NKAIN2: variants seen among roughly 807,000 people sequenced by gnomAD.
The protein encoded by NKAIN2 is sodium/potassium-transporting ATPase subunit beta-1-interacting protein 2.
In NKAIN2, 14 loss-of-function variants were observed where a neutral mutation model predicts 32.6. The observed-to-expected ratio is 0.43, with a 90% confidence interval of 0.28 to 0.67. The LOEUF is 0.67. Among genes scored for constraint, NKAIN2 ranks in the 30% least tolerant of loss-of-function variants. The probability of loss-of-function intolerance (pLI) is 0.17; values close to 1 mark genes in which losing one functional copy is unlikely to be tolerated. For missense variants in NKAIN2, 198 were observed against 258.3 expected, an observed-to-expected ratio of 0.77 and a Z score of 1.60; for synonymous variants, 80 against 87.2, an observed-to-expected ratio of 0.92 and a Z score of 0.46.
chr6:124,799,503 A>G (rs1026327623), intron 5 of NKAIN2, among the ~76,000 whole-genome samples: 3 of 152,128 alleles, frequency 2.0e-5, no homozygotes, highest in Admixed American at 6.6e-5. Context: ...TCGTTAAATA[A>G]ATCTGATATT....
At chr6:124,086,741 A>T (rs1784206270) in intron 1 of NKAIN2, among the ~76,000 whole-genome samples, 1 of 151,962 alleles carries the variant, frequency 6.6e-6, no homozygotes, top group South Asian at 2.1e-4. Context: ...CAAAACTCAC[A>T]CAAGAAGAAA....
At chr6:124,121,826 A>AAATGT in intron 1 of NKAIN2, 1 of 612,902 alleles carries the variant, frequency 1.6e-6, no homozygotes. Context: ...GGTTGCCTTT[A>AAATGT]AATGGGTCAC....
intron 1 of NKAIN2, among the ~76,000 whole-genome samples, chr6:123,902,380 A>C (rs1052516158): frequency 1.3e-5 from 2 of 152,114 alleles, no homozygotes; most frequent in Non-Finnish European, 2.9e-5. Context: ...AGGCTAAAAA[A>C]AGTTTCATTT....
At chr6:124,601,080 C>T (rs1449847169) in intron 3 of NKAIN2, among the ~76,000 whole-genome samples, 2 of 151,990 alleles carry the variant, frequency 1.3e-5, no homozygotes, top group Admixed American at 1.3e-4. Context: ...ATATTGTACT[C>T]ATTTACACTA....
intron 3 of NKAIN2, among the ~76,000 whole-genome samples, chr6:124,643,988 A>G (rs1296339681): frequency 5.3e-5 from 8 of 152,184 alleles, no homozygotes; most frequent in Non-Finnish European, 1.0e-4. Context: ...AAATGTCATT[A>G]GTATCATTTT....
intron 3 of NKAIN2, among the ~76,000 whole-genome samples, chr6:124,603,427 A>T (rs1405404041): frequency 6.6e-6 from 1 of 151,958 alleles, no homozygotes; most frequent in African/African-American, 2.4e-5. Context: ...TTAGTTAACA[A>T]GTTTCAGTTC....
chr6:124,675,876 T>C (rs1196390760), intron 4 of NKAIN2, among the ~76,000 whole-genome samples: 1 of 150,136 alleles, frequency 6.7e-6, no homozygotes, highest in Non-Finnish European at 1.5e-5. Flanking sequence ...AAATTGGGCT[T>C]ATTTTTTCCT....
intron 3 of NKAIN2, among the ~76,000 whole-genome samples, chr6:124,484,292 T>C (rs1424687222): frequency 6.6e-6 from 1 of 152,202 alleles, no homozygotes; most frequent in African/African-American, 2.4e-5. Flanking sequence ...TTCTATGAAC[T>C]TGGGGTTCAA....
chr6:124,195,061 C>A (rs1017004243), intron 1 of NKAIN2, among the ~76,000 whole-genome samples: 3 of 140,514 alleles, frequency 2.1e-5, no homozygotes, highest in Non-Finnish European at 4.7e-5. Context: ...TTTTTGTGTT[C>A]TATTCTGAAA....
chr6:123,841,888 A>G (rs1039317511), intron 1 of NKAIN2, among the ~76,000 whole-genome samples: 28 of 152,176 alleles, frequency 1.8e-4, no homozygotes, highest in Non-Finnish European at 7.4e-5. Flanking sequence ...TCAAGCAACT[A>G]TAGGATGACT....
intron 4 of NKAIN2, among the ~76,000 whole-genome samples, chr6:124,662,820 C>T (rs1784796500): frequency 6.6e-6 from 1 of 152,162 alleles, no homozygotes; most frequent in Non-Finnish European, 1.5e-5. Context: ...TTTGATGCCT[C>T]TTTTAATCTG....
chr6:124,229,776 C>T (rs1032035313), intron 1 of NKAIN2, among the ~76,000 whole-genome samples: 2 of 152,150 alleles, frequency 1.3e-5, no homozygotes, highest in South Asian at 4.1e-4. Context: ...TAAAACTTGA[C>T]TTGCTCCTCT....
intron 4 of NKAIN2, among the ~76,000 whole-genome samples, chr6:124,661,611 A>G (rs1784747630): frequency 6.6e-6 from 1 of 152,204 alleles, no homozygotes; most frequent in Non-Finnish European, 1.5e-5. Flanking sequence ...ACGAGGGGCT[A>G]TTAATCACAC....
At chr6:124,679,806 G>A (rs1773531831) in intron 4 of NKAIN2, among the ~76,000 whole-genome samples, 1 of 152,082 alleles carries the variant, frequency 6.6e-6, no homozygotes, top group Admixed American at 6.6e-5. Context: ...TGTAATTATT[G>A]TTAATAATGT....
chr6:124,770,489 T>C (rs770157181), intron 4 of NKAIN2, among the ~76,000 whole-genome samples: 16 of 152,178 alleles, frequency 1.1e-4, no homozygotes, highest in Non-Finnish European at 2.4e-4. Flanking sequence ...AGAATTGGGC[T>C]TCCTGGAGAG....
At chr6:124,265,825 C>T (rs1794469934) in intron 1 of NKAIN2, among the ~76,000 whole-genome samples, 1 of 152,190 alleles carries the variant, frequency 6.6e-6, no homozygotes, top group Non-Finnish European at 1.5e-5. Context: ...GATGTCACAC[C>T]AGCAAAACCC....
At chr6:124,224,187 T>G (rs1375447602) in intron 1 of NKAIN2, among the ~76,000 whole-genome samples, 1 of 152,152 alleles carries the variant, frequency 6.6e-6, no homozygotes, top group Non-Finnish European at 1.5e-5. Context: ...ATGCACATAT[T>G]TTCATGCATT....
intron 1 of NKAIN2, among the ~76,000 whole-genome samples, chr6:124,078,786 T>TTGTG (rs71021477): frequency 0.028 from 4,075 of 144,702 alleles, 59 homozygotes; most frequent in African/African-American, 0.03. Flanking sequence ...TATGTCGTTT[T>TTGTG]TGTGTGTGTG....
At chr6:124,380,463 T>C (rs1040071497) in intron 3 of NKAIN2, among the ~76,000 whole-genome samples, 3 of 152,184 alleles carry the variant, frequency 2.0e-5, no homozygotes, top group Non-Finnish European at 4.4e-5. Flanking sequence ...GGGAAATTGA[T>C]TTTTAAGAAT....
Sources: gnomAD v4.1 joint callset for allele counts (sites outside exome capture counted in the v4.1 genomes callset) on GRCh38, gnomAD v4.1.1 for gene constraint, MANE v1.5 for transcripts, NCBI Gene and HGNC (gene_info 2026-07-23, HGNC 2026-07-21) for gene names.